The following NUSAP1 variants were observed in gnomAD, a reference collection of about 807,000 sequenced individuals.
The protein encoded by NUSAP1 is nucleolar and spindle-associated protein 1.
In NUSAP1, 32 loss-of-function variants were observed where a neutral mutation model predicts 52.8. That is an observed-to-expected ratio of 0.61 (90% CI 0.46 to 0.81). NUSAP1 has a LOEUF of 0.81. Ranked by LOEUF, NUSAP1 falls within the 40% of genes least tolerant of loss-of-function variation. The pLI, the probability that NUSAP1 is intolerant of heterozygous loss-of-function variation, is 0.00. For synonymous variants in NUSAP1, 195 were observed against 183.1 expected (o/e 1.06, Z -0.52); for missense variants, 499 against 522.3 (o/e 0.96, Z 0.43).
chr15:41,363,097 C>T, intron 6 of NUSAP1, among the ~76,000 whole-genome samples: 1 of 151,810 alleles, frequency 6.6e-6, no homozygotes, highest in Middle Eastern at 3.2e-3. Context: ...GACCAGCCTG[C>T]CCAACATGGC....
intron 5 of NUSAP1, among the ~76,000 whole-genome samples, chr15:41,357,894 G>A: frequency 6.6e-6 from 1 of 152,138 alleles, no homozygotes; most frequent in East Asian, 1.9e-4. Flanking sequence ...CTAATCCTCT[G>A]GATTAAACCA....
chr15:41,375,737 T>G lies in NUSAP1; in HGVS notation c.1032T>G (p.Thr344=). 6.2e-7 allele frequency: 1 copy of G among 1,613,640 alleles called. No homozygotes were observed. The highest frequency in any genetic ancestry group is 8.5e-7 in the Non-Finnish European group (1 of 1,179,560). Residue 344 remains threonine (T), a synonymous_variant, in exon 9 of 11, where the codon ACT becomes ACG. Transcript: ENST00000559596. Reference sequence around the variant, plus strand: ...TTATTACCCCATTCAAGTTGACAACTGAGGCAACGCAGACTCCAGTCTCCA... The same window carrying G: ...TTATTACCCCATTCAAGTTGACAACGGAGGCAACGCAGACTCCAGTCTCCA... ...AAVITPFKLT[T]EATQTPVSNK...
chr15:41,374,404 A>T (rs547867608), intron 8 of NUSAP1, among the ~76,000 whole-genome samples: 1 of 152,172 alleles, frequency 6.6e-6, no homozygotes, highest in Non-Finnish European at 1.5e-5. Flanking sequence ...GGGTCCCTAT[A>T]TAAGGCCCTG....
Position 41,380,651 on chromosome 15 carries a change from TGA to T in NUSAP1, c.*466_*467del, listed in dbSNP as rs2050173039. 1 of 153,140 alleles carries T rather than the reference TGA, an allele frequency of 6.5e-6. No homozygotes were observed. The highest frequency in any genetic ancestry group is 2.1e-4 in the South Asian group (1 of 4,874). The allele number at this position is 153,140 out of a possible 1,614,324, so 9.5% of individuals were successfully genotyped here. A position where few individuals can be genotyped will look rare whatever the true frequency, so the allele number is the denominator to read the frequency against. ...TCTCTATAGAATATAGTAACCTTTA[TGA>T]AACGGGGCCATATAGTTTGGTTATG... On this transcript the variant is annotated 3_prime_UTR_variant, in exon 11 of 11. Coordinates refer to ENST00000559596, the MANE Select transcript of NUSAP1 (RefSeq NM_016359.5).
In NUSAP1 at chr15:41,375,773, AGT is replaced by A. The variant is rs764499051; in HGVS notation, c.1071_1072del (p.Phe358Ter). ...TQTPVSNKKP[V>X]FDLKASLSRP... ...AGACTCCAGTCTCCAATAAGAAACCAGTGTTTGATCTTAAAGCAAGTTTGTCT... is the reference window on the plus strand; with the variant it reads ...AGACTCCAGTCTCCAATAAGAAACCAGTTTGATCTTAAAGCAAGTTTGTCT... On this transcript the variant is annotated frameshift_variant, in exon 9 of 11. Coordinates refer to ENST00000559596, the MANE Select transcript of NUSAP1 (RefSeq NM_016359.5). LOFTEE classifies it high-confidence loss of function. The A allele has an allele frequency of 6.2e-7, 1 of 1,613,968 alleles. No individual in the cohort carries two copies. Among genetic ancestry groups the A allele is most frequent in the Non-Finnish European group, 8.5e-7 (1 of 1,179,846 alleles).
Position 41,380,750 on chromosome 15 carries a change from C to T in NUSAP1, c.*564C>T, listed in dbSNP as rs1271365110. The T allele has an allele frequency of 6.6e-6, 1 of 152,258 alleles. No homozygotes were observed. 9.4% of individuals were successfully genotyped at this position (152,258 alleles called of 1,614,324 possible). ...CGTTCAAATATCCTCATGTAATTGC[C>T]ATCTGTCACTCACTATATTCACAAA... On this transcript the variant is annotated 3_prime_UTR_variant, in exon 11 of 11. Transcript: ENST00000559596.
chr15:41,375,770 AC>A lies in NUSAP1; in HGVS notation c.1067del (p.Pro356GlnfsTer22), dbSNP rs1567077262. The A allele has an allele frequency of 6.2e-7, 1 of 1,613,906 alleles. No individual in the cohort carries two copies. Among genetic ancestry groups the A allele is most frequent in the Non-Finnish European group, 8.5e-7 (1 of 1,179,818 alleles). On this transcript the variant is annotated frameshift_variant, in exon 9 of 11. Coordinates refer to ENST00000559596, the MANE Select transcript of NUSAP1 (RefSeq NM_016359.5). LOFTEE classifies it high-confidence loss of function. ...CGCAGACTCCAGTCTCCAATAAGAA[AC>A]CAGTGTTTGATCTTAAAGCAAGTTT... Reference protein sequence around the residue: ...ATQTPVSNKKPVFDLKASLSR... With the variant: ...ATQTPVSNKKXVFDLKASLSR...
At chr15:41,356,731 A>G (rs563564414) in intron 5 of NUSAP1, among the ~76,000 whole-genome samples, 1 of 152,292 alleles carries the variant, frequency 6.6e-6, no homozygotes, top group South Asian at 2.1e-4. Context: ...ATCACGGCAA[A>G]TAGCATGCAG....
intron 4 of NUSAP1, among the ~76,000 whole-genome samples, chr15:41,354,193 A>G (rs1021202454): frequency 4.6e-5 from 7 of 152,154 alleles, no homozygotes; most frequent in Non-Finnish European, 1.0e-4. Flanking sequence ...TGGGCAACGT[A>G]GTGAGACCTT....
At chr15:41,348,323 C>T (rs1014481428) in intron 2 of NUSAP1, among the ~76,000 whole-genome samples, 1 of 152,180 alleles carries the variant, frequency 6.6e-6, no homozygotes, top group African/African-American at 2.4e-5. Context: ...AGGTGATCCA[C>T]CAGCCTTGGC....
intron 7 of NUSAP1, 163 bp downstream of exon 7, chr15:41,365,752 G>T: frequency 7.5e-6 from 3 of 398,748 alleles, no homozygotes; most frequent in South Asian, 4.0e-5. Context: ...ATGAGGTCTC[G>T]CTCTGTCGCC....
At chr15:41,360,356 G>T (rs1296336222) in intron 6 of NUSAP1, among the ~76,000 whole-genome samples, 1 of 151,574 alleles carries the variant, frequency 6.6e-6, no homozygotes. Flanking sequence ...CACTCTTCTT[G>T]CCCAGACTGG....
Position 41,365,543 on chromosome 15 carries a change from G to T in NUSAP1, c.802G>T (p.Gly268Trp), listed in dbSNP as rs767319326. The T allele has an allele frequency of 6.2e-7, 1 of 1,612,660 alleles. No individual in the cohort carries two copies. ...PASQSTLGLK[G>W]SLKRSAISAA... ...AAGTCAGAGTACCTTGGGTCTGAAG[G>T]GGTCACTCAAGCGCTCTGCTATCTC... Residue 268 changes from glycine to tryptophan, a missense_variant, in exon 7 of 11, where the codon GGG becomes TGG. Transcript: ENST00000559596.
chr15:41,375,911 C>CA, intron 9 of NUSAP1, 83 bp downstream of exon 9: 1 of 911,520 alleles, frequency 1.1e-6, no homozygotes, highest in Non-Finnish European at 1.8e-6. Flanking sequence ...ACTAAACATA[C>CA]AAAAATTAGC....
chr15:41,347,712 G>T (rs1443258526), intron 2 of NUSAP1, among the ~76,000 whole-genome samples: 1 of 151,782 alleles, frequency 6.6e-6, no homozygotes, highest in African/African-American at 2.4e-5. Context: ...TACTCAAGAG[G>T]CTGAGGCAGG....
chr15:41,339,230 C>G (rs2048284299), intron 1 of NUSAP1, among the ~76,000 whole-genome samples: 1 of 152,020 alleles, frequency 6.6e-6, no homozygotes, highest in Non-Finnish European at 1.5e-5. Flanking sequence ...GGGGAAATCT[C>G]TTATTTTTAG....
chr15:41,377,256 G>A lies in NUSAP1; in HGVS notation c.1184G>A (p.Arg395Lys). Reference sequence around the variant, plus strand: ...AATTATCTAAATCAACATGTCAACAGAATTAACTTCTACAAGAAAACTTAC... The same window carrying A: ...AATTATCTAAATCAACATGTCAACAAAATTAACTTCTACAAGAAAACTTAC... ...ENNYLNQHVNRINFYKKTYKQ... is the reference protein window; with the variant it reads ...ENNYLNQHVNKINFYKKTYKQ... The change falls in exon 10 of 11, where the codon AGA (arginine) becomes AAA (lysine). Residue 395 changes from arginine to lysine, a missense_variant. Transcript: ENST00000559596. The A allele has an allele frequency of 6.5e-7, 1 of 1,540,286 alleles. No individual in the cohort carries two copies. Among genetic ancestry groups the A allele is most frequent in the Non-Finnish European group, 8.8e-7 (1 of 1,140,200 alleles).
rs2049362181 is a variant in NUSAP1 at position 41,365,535 on chromosome 15, G to A, written c.794G>A (p.Gly265Asp). 3 of 1,612,708 alleles carry A rather than the reference G, an allele frequency of 1.9e-6. No homozygotes were observed. Among genetic ancestry groups the A allele is most frequent in the African/African-American group, 1.3e-5 (1 of 74,858 alleles). ...SCGPASQSTLGLKGSLKRSAI... is the reference protein window; with the variant it reads ...SCGPASQSTLDLKGSLKRSAI... The stretch of plus-strand genomic sequence containing the variant: ...GGCCCTGCAAGTCAGAGTACCTTGG[G>A]TCTGAAGGGGTCACTCAAGCGCTCT... The change falls in exon 7 of 11, where the codon GGT (glycine) becomes GAT (aspartate). Residue 265 changes from glycine (G) to aspartate (D), a missense_variant. Coordinates refer to ENST00000559596, the MANE Select transcript of NUSAP1 (RefSeq NM_016359.5).
chr15:41,342,507 G>T, intron 2 of NUSAP1, 53 bp downstream of exon 2: 1 of 1,301,654 alleles, frequency 7.7e-7, no homozygotes. Context: ...ATCATATTTG[G>T]TTAATGGGCA....
Sources: gnomAD v4.1 joint callset for allele counts (sites outside exome capture counted in the v4.1 genomes callset) on GRCh38, gnomAD v4.1.1 for gene constraint, MANE v1.5 for transcripts, NCBI Gene and HGNC (gene_info 2026-07-23, HGNC 2026-07-21) for gene names.